The following LMBR1 variants were observed in gnomAD, a reference collection of about 807,000 sequenced individuals.
The protein encoded by LMBR1 is limb region 1 protein homolog.
Under a neutral mutation model 73.9 loss-of-function variants are expected in LMBR1, and 52 were observed. That is an observed-to-expected ratio of 0.70 (90% CI 0.56 to 0.89). The LOEUF (loss-of-function observed/expected upper bound fraction) is 0.89. LMBR1 is among the 40% of genes least tolerant of loss of function. The pLI, the probability that LMBR1 is intolerant of heterozygous loss-of-function variation, is 0.00. For missense variants in LMBR1, 539 were observed against 579.8 expected (o/e 0.93, Z 0.72); for synonymous variants, 215 against 209.4 (o/e 1.03, Z -0.23).
chr7:156,701,601 T>C (rs556424133), intron 15 of LMBR1, among the ~76,000 whole-genome samples: 1 of 152,366 alleles, frequency 6.6e-6, no homozygotes, highest in Non-Finnish European at 1.5e-5. Flanking sequence ...TCTCATTCTA[T>C]GCTGTCAGGA....
intron 1 of LMBR1, among the ~76,000 whole-genome samples, chr7:156,837,710 A>G (rs1837909003): frequency 6.6e-6 from 1 of 152,074 alleles, no homozygotes; most frequent in Admixed American, 6.6e-5. Flanking sequence ...CAATAGATAT[A>G]CCCCATATCA....
chr7:156,841,157 T>C (rs890290146), intron 1 of LMBR1, among the ~76,000 whole-genome samples: 4 of 151,902 alleles, frequency 2.6e-5, no homozygotes, highest in African/African-American at 9.7e-5. Flanking sequence ...AGAATAAATA[T>C]AAGGTTCTTT....
intron 9 of LMBR1, among the ~76,000 whole-genome samples, chr7:156,737,419 T>C (rs1206739167): frequency 6.6e-6 from 1 of 152,138 alleles, no homozygotes. Flanking sequence ...TCCATTTTCA[T>C]GTACTGTGTT....
At chr7:156,830,209 A>AT (rs1563474494) in intron 3 of LMBR1, among the ~76,000 whole-genome samples, 1 of 152,126 alleles carries the variant, frequency 6.6e-6, no homozygotes, top group African/African-American at 2.4e-5. Context: ...GTGACACTCA[A>AT]TTTTTTTAAA....
chr7:156,824,244 AT>A (rs1563457619), intron 4 of LMBR1, among the ~76,000 whole-genome samples: 1 of 152,192 alleles, frequency 6.6e-6, no homozygotes, highest in Non-Finnish European at 1.5e-5. Flanking sequence ...GCAGAAAAAA[AT>A]AAGGGAGCGG....
rs189217019 is a variant in LMBR1 at position 156,869,911 on chromosome 7, A to C, written c.66+23017T>G. ...GACATTCATCATTTCTCATTATAAAAAAGGACAAGTTTTTGTTTACAAAGG... is the reference window on the plus strand; with the variant it reads ...GACATTCATCATTTCTCATTATAAACAAGGACAAGTTTTTGTTTACAAAGG... On this transcript the variant is annotated intron_variant, in intron 1 of 16. Transcript: ENST00000353442. Among the ~76,000 whole-genome samples the C allele has an allele frequency of 1.4e-3, 209 of 152,356 alleles. 1 individual carries two copies. Among genetic ancestry groups the C allele is most frequent in the African/African-American group, 4.2e-3 (174 of 41,594 alleles).
At chr7:156,708,086 C>A (rs1388004762) in intron 15 of LMBR1, among the ~76,000 whole-genome samples, 2 of 150,998 alleles carry the variant, frequency 1.3e-5, no homozygotes, top group Non-Finnish European at 2.9e-5. Flanking sequence ...AGAAGGCAAT[C>A]CCATTTACAA....
chr7:156,739,250 T>C (rs757665019), intron 9 of LMBR1, among the ~76,000 whole-genome samples: 3 of 152,154 alleles, frequency 2.0e-5, no homozygotes, highest in Non-Finnish European at 4.4e-5. Flanking sequence ...CTTTGTCTTA[T>C]GGTTTGAGGG....
In LMBR1 at chr7:156,833,807, A is replaced by C; in HGVS notation, c.140-15T>G. On this transcript the variant is annotated splice_polypyrimidine_tract_variant and intron_variant, in intron 2 of 16. Transcript: ENST00000353442. The stretch of plus-strand genomic sequence containing the variant: ...TTCTTGTTCATCTGCAAAAATGTTT[A>C]AGGTATTAATATTCCTTTATCTTCT... 6.4e-7 allele frequency: 1 copy of C among 1,555,248 alleles called. No homozygotes were observed. Among genetic ancestry groups the C allele is most frequent in the East Asian group, 2.3e-5 (1 of 43,518 alleles).
chr7:156,783,458 C>T lies in LMBR1; in HGVS notation c.423+12931G>A, dbSNP rs551998222. Among the ~76,000 whole-genome samples, 4 of 152,240 alleles carry T rather than the reference C, an allele frequency of 2.6e-5. No individual in the cohort carries two copies. In the South Asian group the frequency reaches 8.3e-4, roughly 32 times the overall value. On this transcript the variant is annotated intron_variant, in intron 5 of 16. Coordinates refer to ENST00000353442, the MANE Select transcript of LMBR1 (RefSeq NM_022458.4). ...CCTCCCAAAGTGCTGGGATTATAGG[C>T]ATGAGCCACTGTGTCCAACCAACAT...
chr7:156,843,090 T>C (rs75788815), intron 1 of LMBR1, among the ~76,000 whole-genome samples: 1 of 152,314 alleles, frequency 6.6e-6, no homozygotes, highest in African/African-American at 2.4e-5. Flanking sequence ...CAGCAACTTC[T>C]GTCAGCAGTC....
intron 5 of LMBR1, chr7:156,779,649 A>T: frequency 1.6e-6 from 2 of 1,259,258 alleles, no homozygotes; most frequent in Non-Finnish European, 2.1e-6. Context: ...ATTACAATGT[A>T]CTTACAAAAG....
chr7:156,734,240 C>T lies in LMBR1; in HGVS notation c.775G>A (p.Glu259Lys). 6.2e-7 allele frequency: 1 copy of T among 1,609,878 alleles called. No homozygotes were observed. The highest frequency in any genetic ancestry group is 8.5e-7 in the Non-Finnish European group (1 of 1,178,464). ...RRLNGLSSSVEYNIMELEQEL... is the reference protein window; with the variant it reads ...RRLNGLSSSVKYNIMELEQEL... Reference sequence around the variant, plus strand: ...TGTTCCAACTCCATTATGTTGTATTCCACCGATGAAGACAGCCCTGTTCAA... The same window carrying T: ...TGTTCCAACTCCATTATGTTGTATTTCACCGATGAAGACAGCCCTGTTCAA... Residue 259 changes from glutamate (E) to lysine (K), a missense_variant, in exon 10 of 17, where the codon GAA becomes AAA. Glu to Lys is a moderately conservative substitution (Grantham distance 56). This residue lies in a region of LMBR1 where 454 missense variants were observed against 473.4 expected (regional missense o/e 0.96). Coordinates refer to ENST00000353442, the MANE Select transcript of LMBR1 (RefSeq NM_022458.4).
chr7:156,874,772 C>T lies in LMBR1; in HGVS notation c.66+18156G>A, dbSNP rs148120907. Among the ~76,000 whole-genome samples the T allele has an allele frequency of 2.9e-3, 446 of 152,248 alleles. 3 individuals are homozygous for T. Among genetic ancestry groups the T allele is most frequent in the Non-Finnish European group, 4.8e-3 (324 of 68,014 alleles). ...AGAGTACTACATCTGTGGAACACCCCGGGAGACAAAAGAATCTGTACAGCA... is the reference window on the plus strand; with the variant it reads ...AGAGTACTACATCTGTGGAACACCCTGGGAGACAAAAGAATCTGTACAGCA... On this transcript the variant is annotated intron_variant, in intron 1 of 16. Transcript: ENST00000353442.
rs529210553 is a variant in LMBR1 at position 156,830,233 on chromosome 7, C to T, written c.180-3489G>A. 5.3e-5 allele frequency among the ~76,000 whole-genome samples: 8 copies of T among 152,166 alleles called. No individual in the cohort carries two copies. The South Asian group carries it at 1.2e-3, about 24-fold the overall frequency. On this transcript the variant is annotated intron_variant, in intron 3 of 16. Transcript: ENST00000353442. Reference sequence around the variant, plus strand: ...AATTTTTTTAAACAAAAAATAAATGCTTTTTATTTATTTGTAGTTATCAAT... The same window carrying T: ...AATTTTTTTAAACAAAAAATAAATGTTTTTTATTTATTTGTAGTTATCAAT...
chr7:156,825,048 C>T (rs935920329), intron 4 of LMBR1, among the ~76,000 whole-genome samples: 1 of 152,232 alleles, frequency 6.6e-6, no homozygotes, highest in South Asian at 2.1e-4. Flanking sequence ...CTAACACGTC[C>T]TTATGTTAAC....
At chr7:156,777,009 G>T (rs560422107) in intron 5 of LMBR1, among the ~76,000 whole-genome samples, 1 of 150,370 alleles carries the variant, frequency 6.7e-6, no homozygotes, top group Non-Finnish European at 1.5e-5. Flanking sequence ...TCGGCTCACC[G>T]CAAGCTCCGC....
chr7:156,760,644 C>A (rs991943540), intron 8 of LMBR1, among the ~76,000 whole-genome samples: 48 of 152,140 alleles, frequency 3.2e-4, no homozygotes, highest in African/African-American at 1.2e-3. Context: ...AAAGGAATTT[C>A]AAGACTTGGC....
At chr7:156,838,088 T>C (rs1227474774) in intron 1 of LMBR1, among the ~76,000 whole-genome samples, 1 of 152,190 alleles carries the variant, frequency 6.6e-6, no homozygotes, top group East Asian at 1.9e-4. Flanking sequence ...GCAACCAGCC[T>C]AATTTTGCTT....
Sources: allele counts gnomAD v4.1 joint callset (sites outside exome capture counted in the v4.1 genomes callset), GRCh38; gene constraint gnomAD v4.1.1; regional missense constraint gnomAD v4.1.1; transcripts MANE v1.5; gene names NCBI Gene and HGNC (gene_info 2026-07-23, HGNC 2026-07-21).